PLCL1: variants seen among roughly 807,000 people sequenced by gnomAD.
PLCL1 encodes inactive phospholipase C-like protein 1.
Under a neutral mutation model 84.4 loss-of-function variants are expected in PLCL1, and 41 were observed. The observed-to-expected ratio is 0.49, with a 90% confidence interval of 0.38 to 0.63. PLCL1 has a LOEUF of 0.63. PLCL1 is among the 30% of genes least tolerant of loss of function. The pLI, the probability that PLCL1 is intolerant of heterozygous loss-of-function variation, is 0.00. For missense variants in PLCL1, 1,206 were observed against 1,367.8 expected (o/e 0.88, Z 1.87); for synonymous variants, 490 against 488.3 (o/e 1.00, Z -0.05).
chr2:198,036,088 C>T (rs1691546246), intron 1 of PLCL1, among the ~76,000 whole-genome samples: 1 of 152,194 alleles, frequency 6.6e-6, no homozygotes, highest in African/African-American at 2.4e-5. Flanking sequence ...CATTTGTTAA[C>T]TACCATAGTA....
chr2:197,808,507 T>C (rs1469154427), intron 1 of PLCL1, among the ~76,000 whole-genome samples: 1 of 152,116 alleles, frequency 6.6e-6, no homozygotes, highest in Non-Finnish European at 1.5e-5. Flanking sequence ...ATAGTAAAAA[T>C]GAGTTTCCAA....
At chr2:197,912,607 T>C (rs1044878911) in intron 1 of PLCL1, among the ~76,000 whole-genome samples, 33 of 149,792 alleles carry the variant, frequency 2.2e-4, no homozygotes, top group African/African-American at 7.8e-4. Flanking sequence ...TGGAATACTA[T>C]GCAGCCTTAA....
intron 1 of PLCL1, among the ~76,000 whole-genome samples, chr2:197,907,154 T>C (rs1292648261): frequency 6.6e-6 from 1 of 152,134 alleles, no homozygotes; most frequent in African/African-American, 2.4e-5. Flanking sequence ...CTCTTACCAC[T>C]CCTATTCAAC....
In PLCL1 at chr2:198,075,570, A is replaced by G. The variant is rs556244519; in HGVS notation, c.241-8188A>G. 7.9e-5 allele frequency among the ~76,000 whole-genome samples: 12 copies of G among 152,348 alleles called. No homozygotes were observed. The South Asian group carries it at 2.3e-3, about 29-fold the overall frequency. On this transcript the variant is annotated intron_variant, in intron 1 of 5. Coordinates refer to ENST00000428675, the MANE Select transcript of PLCL1 (RefSeq NM_006226.4). ...GGGAAGGATACAAGAGGAGAATGACAAGATTAAAATAAGAGACAAGGCCTT... is the reference window on the plus strand; with the variant it reads ...GGGAAGGATACAAGAGGAGAATGACGAGATTAAAATAAGAGACAAGGCCTT...
chr2:198,089,121 A>G (rs1574303810), intron 3 of PLCL1, 60 bp downstream of exon 3: 1 of 1,210,450 alleles, frequency 8.3e-7, no homozygotes, highest in Non-Finnish European at 1.2e-6. Context: ...CACAAATAGC[A>G]GGGACTCCTC....
At chr2:198,018,202 G>T (rs1220730703) in intron 1 of PLCL1, among the ~76,000 whole-genome samples, 2 of 152,208 alleles carry the variant, frequency 1.3e-5, no homozygotes, top group Non-Finnish European at 2.9e-5. Flanking sequence ...ATCAGGACCA[G>T]ATACTACGCT....
chr2:197,991,576 G>A (rs1430468971), intron 1 of PLCL1, among the ~76,000 whole-genome samples: 1 of 151,974 alleles, frequency 6.6e-6, no homozygotes, highest in Non-Finnish European at 1.5e-5. Flanking sequence ...TTATTGTTCT[G>A]GTTTGAAATT....
intron 3 of PLCL1, among the ~76,000 whole-genome samples, chr2:198,091,931 C>T (rs1026216525): frequency 2.0e-5 from 3 of 151,110 alleles, no homozygotes; most frequent in Admixed American, 6.6e-5. Context: ...CATCTCCCAA[C>T]CTCATCCGCC....
intron 1 of PLCL1, among the ~76,000 whole-genome samples, chr2:198,045,770 T>A (rs1691772289): frequency 6.6e-6 from 1 of 152,198 alleles, no homozygotes; most frequent in Non-Finnish European, 1.5e-5. Context: ...TGGACTCAGA[T>A]GAAAAGCAAA....
chr2:197,966,178 C>T, intron 1 of PLCL1, among the ~76,000 whole-genome samples: 1 of 151,738 alleles, frequency 6.6e-6, no homozygotes, highest in Admixed American at 6.6e-5. Flanking sequence ...CTTCCCTCTC[C>T]ACTCCTCAAG....
intron 5 of PLCL1, among the ~76,000 whole-genome samples, chr2:198,146,531 G>A (rs1268457710): frequency 6.6e-6 from 1 of 152,118 alleles, no homozygotes; most frequent in African/African-American, 2.4e-5. Context: ...CTCACAATAG[G>A]AATCTCAACG....
At chr2:198,107,987 G>A (rs1228991105) in intron 5 of PLCL1, among the ~76,000 whole-genome samples, 2 of 151,838 alleles carry the variant, frequency 1.3e-5, no homozygotes, top group Non-Finnish European at 2.9e-5. Context: ...TATTAGCTGA[G>A]AGAAAAAGAG....
chr2:198,117,005 A>G (rs545935569), intron 5 of PLCL1, among the ~76,000 whole-genome samples: 2 of 152,024 alleles, frequency 1.3e-5, no homozygotes, highest in South Asian at 4.1e-4. Context: ...TCTCAGAGGG[A>G]TTCCTTAATC....
intron 1 of PLCL1, among the ~76,000 whole-genome samples, chr2:198,057,747 C>T (rs1419607141): frequency 6.6e-6 from 1 of 152,148 alleles, no homozygotes; most frequent in Non-Finnish European, 1.5e-5. Flanking sequence ...CAAGGAATTT[C>T]CTCTGTCAGT....
chr2:197,938,618 C>A (rs1016288449), intron 1 of PLCL1, among the ~76,000 whole-genome samples: 4 of 152,116 alleles, frequency 2.6e-5, no homozygotes, highest in South Asian at 2.1e-4. Context: ...CTCCTACCAG[C>A]AGTTGGTGGG....
At chr2:198,020,149 G>A (rs1691098131) in intron 1 of PLCL1, among the ~76,000 whole-genome samples, 3 of 152,186 alleles carry the variant, frequency 2.0e-5, no homozygotes, top group South Asian at 4.1e-4. Context: ...AGCTTTATAA[G>A]TGAAGGAGAA....
rs55700681 is a variant in PLCL1 at position 197,947,237 on chromosome 2, A to AATATATATATAT, written c.241-136510_241-136499dup. On this transcript the variant is annotated intron_variant, in intron 1 of 5. Coordinates refer to ENST00000428675, the MANE Select transcript of PLCL1 (RefSeq NM_006226.4). ...AGTAAAGGGTAGAGGTGCTTAGATA[A>AATATATATATAT]ATATATATATATATATATATATGTA... 7.1e-3 allele frequency among the ~76,000 whole-genome samples: 1,011 copies of AATATATATATAT among 142,684 alleles called. 1 individual carries two copies. The highest frequency in any genetic ancestry group is 0.015 in the Middle Eastern group (4 of 270). 93.6% of individuals were successfully genotyped at this position (142,684 alleles called of 152,430 possible).
Position 198,085,782 on chromosome 2 carries a change from C to G in PLCL1, c.2265C>G (p.His755Gln), listed in dbSNP as rs1219356364. The change falls in exon 2 of 6, where the codon CAC becomes CAG. Residue 755 changes from histidine to glutamine, a missense_variant. Physicochemically the swap from His to Gln is conservative, Grantham distance 24. Transcript: ENST00000428675. The surrounding 1 kb of genome is among the most constrained non-coding windows in gnomAD (Gnocchi z 5.3). The part of the protein sequence containing the change: ...VIDPYVCIEI[H>Q]GIPADCSEQR... ...ATCCCTATGTTTGTATAGAGATACACGGAATTCCAGCGGATTGTTCGGAAC... is the reference window on the plus strand; with the variant it reads ...ATCCCTATGTTTGTATAGAGATACAGGGAATTCCAGCGGATTGTTCGGAAC... 9 of 1,613,962 alleles carry G rather than the reference C, an allele frequency of 5.6e-6. No individual in the cohort carries two copies. Among genetic ancestry groups the G allele is most frequent in the Middle Eastern group, 1.6e-4 (1 of 6,062 alleles).
In PLCL1 at chr2:198,143,941, T is replaced by C. The variant is rs75830121; in HGVS notation, c.3106-2839T>C. On this transcript the variant is annotated intron_variant, in intron 5 of 5. Transcript: ENST00000428675. ...TATGGTACAGCCAGTGTGTGTTGTC[T>C]CCAGGGTTATCAGGAGATGATGTAG... Among the ~76,000 whole-genome samples the C allele has an allele frequency of 2.2e-3, 334 of 152,102 alleles. 4 individuals carry two copies. Among genetic ancestry groups the C allele is most frequent in the African/African-American group, 7.9e-3 (327 of 41,496 alleles).
Sources: gnomAD v4.1 joint callset for allele counts (sites outside exome capture counted in the v4.1 genomes callset) on GRCh38, gnomAD v4.1.1 for gene constraint, Gnocchi (gnomAD v3.1) non-coding constraint, MANE v1.5 for transcripts, NCBI Gene and HGNC (gene_info 2026-07-23, HGNC 2026-07-21) for gene names.